The following HNRNPD variants were observed in gnomAD, a reference collection of about 807,000 sequenced individuals.
The protein encoded by HNRNPD is heterogeneous nuclear ribonucleoprotein D, also known as heterogeneous nuclear ribonucleoprotein D0.
A neutral mutation model predicts 47.9 loss-of-function variants in HNRNPD; 3 were observed. The observed-to-expected ratio is 0.06, with a 90% CI of 0.03 to 0.16. The LOEUF is 0.16. Ranked by LOEUF, HNRNPD falls within the 10% of genes least tolerant of loss-of-function variation. The probability of loss-of-function intolerance (pLI) is 1.00; values close to 1 mark genes in which losing one functional copy is unlikely to be tolerated. For synonymous variants in HNRNPD, 171 were observed against 165.1 expected, an observed-to-expected ratio of 1.04 and a Z score of -0.28; for missense variants, 287 against 454.2, an observed-to-expected ratio of 0.63 and a Z score of 3.35.
chr4:82,362,876 A>C (rs966500398), intron 2 of HNRNPD, among the ~76,000 whole-genome samples: 4 of 152,080 alleles, frequency 2.6e-5, no homozygotes, highest in Admixed American at 2.6e-4. Flanking sequence ...CTGGGATTAC[A>C]GGCGGAAGCT....
chr4:82,353,583 A>T lies in HNRNPD; in HGVS notation c.*602T>A. 1 of 152,646 alleles carries T rather than the reference A, an allele frequency of 6.6e-6. No individual in the cohort carries two copies. The highest frequency in any genetic ancestry group is 1.9e-4 in the East Asian group (1 of 5,202). 9.5% of individuals were successfully genotyped at this position (152,646 alleles called of 1,614,324 possible). The stretch of plus-strand genomic sequence containing the variant: ...GGGCATTTGGGAAAATATTCATATA[A>T]ATCTTAATGGCTACATAAGGAAGTA... On this transcript the variant is annotated 3_prime_UTR_variant, in exon 9 of 9. Coordinates refer to ENST00000313899, the MANE Select transcript of HNRNPD (RefSeq NM_031370.3).
chr4:82,370,343 G>GT (rs1201015573), intron 2 of HNRNPD, among the ~76,000 whole-genome samples: 1 of 152,064 alleles, frequency 6.6e-6, no homozygotes, highest in Non-Finnish European at 1.5e-5. Flanking sequence ...TCAAATTTAA[G>GT]TTTATGGTCA....
intron 4 of HNRNPD, 110 bp downstream of exon 4, chr4:82,358,549 C>G: frequency 1.1e-6 from 1 of 923,390 alleles, no homozygotes; most frequent in Non-Finnish European, 1.7e-6. Flanking sequence ...AAACAGATCA[C>G]ATAATCTACC....
chr4:82,364,912 C>T (rs1004012915), intron 2 of HNRNPD, among the ~76,000 whole-genome samples: 52 of 152,300 alleles, frequency 3.4e-4, no homozygotes, highest in African/African-American at 1.1e-3. Flanking sequence ...TTTTAACATT[C>T]CCAGTCAATA....
At position 82,373,875 on chromosome 4, in the gene HNRNPD, G is replaced by A; in HGVS notation, c.-197C>T. Reference sequence around the variant, plus strand: ...TGCCCCCTTCGCCTCCCACTCTCGCGCGGCGCACACTCCCGCTCTCTCCCG... The same window carrying A: ...TGCCCCCTTCGCCTCCCACTCTCGCACGGCGCACACTCCCGCTCTCTCCCG... On this transcript the variant is annotated 5_prime_UTR_variant, in exon 1 of 9. Transcript: ENST00000313899. 2 of 1,271,664 alleles carry A rather than the reference G, an allele frequency of 1.6e-6. No homozygotes were observed. The highest frequency in any genetic ancestry group is 2.1e-6 in the Non-Finnish European group (2 of 959,070). The allele number at this position is 1,271,664 out of a possible 1,614,324, so 78.8% of individuals were successfully genotyped here.
At position 82,373,545 on chromosome 4, in the gene HNRNPD, G is replaced by T; in HGVS notation, c.134C>A (p.Ala45Asp). 5 of 1,539,154 alleles carry T rather than the reference G, an allele frequency of 3.2e-6. No individual in the cohort carries two copies. Among genetic ancestry groups the T allele is most frequent in the Non-Finnish European group, 4.4e-6 (5 of 1,142,788 alleles). ...AGACGCGGTTCCGCCCCCGGTCCCG[G>T]CTCCGCTTCCCGCCGCCGCCGCTGC... ...QGAAAAAGSGAGTGGGTASGG... is the reference protein window; with the variant it reads ...QGAAAAAGSGDGTGGGTASGG... Residue 45 changes from alanine (A) to aspartate (D), a missense_variant, in exon 1 of 9, where the codon GCC becomes GAC. Physicochemically the swap from Ala to Asp is moderately radical, Grantham distance 126. Transcript: ENST00000313899.
chr4:82,362,674 C>T (rs1361124379), intron 2 of HNRNPD, among the ~76,000 whole-genome samples: 3 of 152,152 alleles, frequency 2.0e-5, no homozygotes, highest in African/African-American at 7.2e-5. Context: ...ACAATCTCAG[C>T]TCACTGCAAC....
At chr4:82,355,221 A>T in intron 8 of HNRNPD, 83 bp downstream of exon 8, 2 of 787,206 alleles carry the variant, frequency 2.5e-6, no homozygotes, top group Non-Finnish European at 4.3e-6. Context: ...TGAAACTCTT[A>T]AATTAAGCAT....
chr4:82,361,155 A>G (rs762423508), intron 2 of HNRNPD, among the ~76,000 whole-genome samples: 25 of 152,234 alleles, frequency 1.6e-4, no homozygotes, highest in Non-Finnish European at 3.4e-4. Context: ...TCATGGAAGA[A>G]ATTTGAGTTA....
chr4:82,369,199 C>A (rs1719909619), intron 2 of HNRNPD, among the ~76,000 whole-genome samples: 1 of 152,180 alleles, frequency 6.6e-6, no homozygotes, highest in African/African-American at 2.4e-5. Flanking sequence ...AGTACCTACC[C>A]CAAATGAACT....
intron 2 of HNRNPD, among the ~76,000 whole-genome samples, chr4:82,362,628 A>C (rs1043650762): frequency 6.6e-6 from 1 of 152,200 alleles, no homozygotes; most frequent in African/African-American, 2.4e-5. Context: ...TTTTTGAGAC[A>C]GTCTCACTCT....
rs750695946 is a variant in HNRNPD at position 82,358,452 on chromosome 4, C to T, written c.621+207G>A. 16 of 487,230 alleles carry T rather than the reference C, an allele frequency of 3.3e-5. 1 individual carries two copies. The highest frequency in any genetic ancestry group is 1.5e-4 in the Admixed American group (4 of 26,198). The allele number at this position is 487,230 out of a possible 1,614,324, so 30.2% of individuals were successfully genotyped here. On this transcript the variant is annotated intron_variant, in intron 4 of 8. Coordinates refer to ENST00000313899, the MANE Select transcript of HNRNPD (RefSeq NM_031370.3). ...TTGTATACTCTACCCCAGCAATACT[C>T]TGCATAGAGTAGGTGCTCAATGAGA...
chr4:82,371,005 C>CACACACACA (rs199747555), intron 2 of HNRNPD, among the ~76,000 whole-genome samples: 1 of 151,636 alleles, frequency 6.6e-6, no homozygotes, highest in Non-Finnish European at 1.5e-5. Flanking sequence ...CACACACACA[C>CACACACACA]TTCTTATTAA....
intron 2 of HNRNPD, among the ~76,000 whole-genome samples, chr4:82,366,680 C>A (rs557668911): frequency 1.3e-5 from 2 of 152,172 alleles, no homozygotes; most frequent in Non-Finnish European, 2.9e-5. Flanking sequence ...GATTCTCCCG[C>A]CTCAGCCTCC....
Position 82,357,541 on chromosome 4 carries a change from T to C in HNRNPD, c.622-97A>G, listed in dbSNP as rs916936072. ...GGGGGGAAAACACACAAAGAAAACA[T>C]GTATTTGGCACTGAAGTTCTAGTCT... On this transcript the variant is annotated intron_variant, in intron 4 of 8. Coordinates refer to ENST00000313899, the MANE Select transcript of HNRNPD (RefSeq NM_031370.3). 16 of 1,031,738 alleles carry C rather than the reference T, an allele frequency of 1.6e-5. No homozygotes were observed. In the Admixed American group the frequency reaches 4.1e-4, roughly 26 times the overall value. 63.9% of individuals were successfully genotyped at this position (1,031,738 alleles called of 1,614,324 possible). A position where few individuals can be genotyped will look rare whatever the true frequency, so the allele number is the denominator to read the frequency against.
chr4:82,369,699 A>G (rs76808139), intron 2 of HNRNPD, among the ~76,000 whole-genome samples: 20 of 151,986 alleles, frequency 1.3e-4, no homozygotes, highest in African/African-American at 3.4e-4. Context: ...AAAAAAAAAA[A>G]AGAGAGAGAA....
intron 2 of HNRNPD, among the ~76,000 whole-genome samples, chr4:82,368,975 AAAG>A (rs1243613050): frequency 1.3e-5 from 2 of 152,180 alleles, no homozygotes; most frequent in African/African-American, 4.8e-5. Context: ...TCCTGTTATT[AAAG>A]AAGCATTGCT....
At chr4:82,371,079 A>G (rs1038317678) in intron 2 of HNRNPD, among the ~76,000 whole-genome samples, 2 of 152,188 alleles carry the variant, frequency 1.3e-5, no homozygotes, top group African/African-American at 4.8e-5. Flanking sequence ...AGTGCTGCTT[A>G]AAGAACTGCT....
intron 2 of HNRNPD, among the ~76,000 whole-genome samples, chr4:82,365,546 C>G (rs1397808943): frequency 6.6e-6 from 1 of 151,910 alleles, no homozygotes; most frequent in Non-Finnish European, 1.5e-5. Context: ...GAGAGCTTGA[C>G]AAGCTTTCAT....
Sources: gnomAD v4.1 joint callset for allele counts (sites outside exome capture counted in the v4.1 genomes callset) on GRCh38, gnomAD v4.1.1 for gene constraint, MANE v1.5 for transcripts, NCBI Gene and HGNC (gene_info 2026-07-23, HGNC 2026-07-21) for gene names.